The following SUCO variants were observed in gnomAD, a reference collection of about 807,000 sequenced individuals.
SUCO encodes the protein SUN domain containing ossification factor, also known as SUN domain-containing ossification factor.
In SUCO, 57 loss-of-function variants were observed where a neutral mutation model predicts 148.1. The ratio of observed to expected loss-of-function variants is 0.38; its 90% CI spans 0.31 to 0.48. SUCO has a LOEUF of 0.48. Among genes scored for constraint, SUCO ranks in the 20% least tolerant of loss-of-function variants. SUCO has a pLI of 0.96. For missense variants in SUCO, 1,331 were observed against 1,468.2 expected, an observed-to-expected ratio of 0.91 and a Z score of 1.53; for synonymous variants, 470 against 502.7, an observed-to-expected ratio of 0.93 and a Z score of 0.87.
Position 172,554,048 on chromosome 1 carries a change from G to C in SUCO, c.288+678G>C, listed in dbSNP as rs529727775. 1.9e-4 allele frequency among the ~76,000 whole-genome samples: 29 copies of C among 152,218 alleles called. 1 individual carries two copies. The highest frequency in any genetic ancestry group is 1.3e-3 in the Admixed American group (20 of 15,296). On this transcript the variant is annotated intron_variant, in intron 3 of 23. Transcript: ENST00000263688. ...ACACATTTCAACTCAGAATGAGGGA[G>C]AATTCTTTCTTTTTAAAAAAATACA...
At chr1:172,545,329 TAA>T (rs1213687426) in intron 1 of SUCO, among the ~76,000 whole-genome samples, 1 of 152,166 alleles carries the variant, frequency 6.6e-6, no homozygotes. Flanking sequence ...GGGCTGAAGA[TAA>T]AGTTTCAGTA....
At chr1:172,543,010 T>C (rs1652596157) in intron 1 of SUCO, 1 of 985,148 alleles carries the variant, frequency 1.0e-6, no homozygotes, top group Non-Finnish European at 1.2e-6. Flanking sequence ...ACACATTTGT[T>C]TGGTAGCCAG....
In SUCO at chr1:172,533,321, T is replaced by A; in HGVS notation, c.-115T>A. ...GCCGCTCAGCCAGCGCCATAGCCCT[T>A]AGGACTATCGGTCACATTCTCGCGC... On this transcript the variant is annotated 5_prime_UTR_variant, in exon 1 of 24. Transcript: ENST00000263688. 3.9e-6 allele frequency: 6 copies of A among 1,551,218 alleles called. No homozygotes were observed. The highest frequency in any genetic ancestry group is 5.2e-6 in the Non-Finnish European group (6 of 1,146,952).
intron 6 of SUCO, chr1:172,568,587 C>T (rs148102551): frequency 1.4e-3 from 367 of 263,838 alleles, no homozygotes; most frequent in African/African-American, 7.9e-3. Context: ...TTTGTGTACA[C>T]AGTGTTTCTT....
At position 172,566,556 on chromosome 1, in the gene SUCO, CTG is replaced by C. The variant is rs533788399; in HGVS notation, c.733-2461_733-2460del. Among the ~76,000 whole-genome samples, 508 of 152,378 alleles carry C rather than the reference CTG, an allele frequency of 3.3e-3. 1 individual carries two copies. Among genetic ancestry groups the C allele is most frequent in the Non-Finnish European group, 4.4e-3 (300 of 68,042 alleles). On this transcript the variant is annotated intron_variant, in intron 6 of 23. Coordinates refer to ENST00000263688, the MANE Select transcript of SUCO (RefSeq NM_014283.5). ...TAAACAGCAACTTTTATTGAATTGA[CTG>C]TATACAGCAGCAGCAGAAGTACTGC...
chr1:172,569,191 T>A, intron 7 of SUCO, 49 bp downstream of exon 7: 1 of 1,341,468 alleles, frequency 7.5e-7, no homozygotes, highest in Non-Finnish European at 1.0e-6. Flanking sequence ...GTATATGGTG[T>A]AGTTTAATAT....
chr1:172,587,024 C>T (rs891383455), intron 17 of SUCO, among the ~76,000 whole-genome samples: 2 of 152,088 alleles, frequency 1.3e-5, no homozygotes, highest in Admixed American at 1.3e-4. Context: ...CAGTTAACAA[C>T]ACGCTATGTC....
Position 172,570,174 on chromosome 1 carries a change from A to G in SUCO, c.981+3A>G. On this transcript the variant is annotated splice_donor_region_variant and intron_variant, in intron 8 of 23. Transcript: ENST00000263688. ...TAGCAGCTAATCCAGAAGCCAAGGT[A>G]GGTGTTTAAATATAAAATTTTGTAT... is the stretch of plus-strand genomic sequence containing the variant. 2 of 1,557,058 alleles carry G rather than the reference A, an allele frequency of 1.3e-6. No individual in the cohort carries two copies. Among genetic ancestry groups the G allele is most frequent in the Non-Finnish European group, 1.7e-6 (2 of 1,150,674 alleles).
chr1:172,605,734 G>A (rs1657827281), intron 22 of SUCO, among the ~76,000 whole-genome samples: 1 of 151,728 alleles, frequency 6.6e-6, no homozygotes, highest in Non-Finnish European at 1.5e-5. Flanking sequence ...GATTTTCAGT[G>A]AATACAGGTA....
In SUCO at chr1:172,571,479, A is replaced by C. The variant is rs111361392; in HGVS notation, c.1049+749A>C. Among the ~76,000 whole-genome samples the C allele has an allele frequency of 3.6e-3, 541 of 149,596 alleles. 3 individuals carry two copies. Among genetic ancestry groups the C allele is most frequent in the African/African-American group, 0.012 (473 of 40,492 alleles). ...AGATTGCAGCCTGTGCCCGGCCGCC[A>C]CCCCGTCTGGGAAGTGAGGAGAGTC... On this transcript the variant is annotated intron_variant, in intron 9 of 23. Coordinates refer to ENST00000263688, the MANE Select transcript of SUCO (RefSeq NM_014283.5).
intron 2 of SUCO, chr1:172,552,471 C>A: frequency 5.9e-6 from 1 of 168,956 alleles, no homozygotes; most frequent in Non-Finnish European, 1.2e-5. Flanking sequence ...TATTGACAAA[C>A]TTTTGCATTT....
Position 172,541,837 on chromosome 1 carries a change from C to T in SUCO, c.62+8340C>T, listed in dbSNP as rs140434773. 1,275 of 983,034 alleles carry T rather than the reference C, an allele frequency of 1.3e-3. 10 individuals are homozygous for T. In the South Asian group the frequency reaches 0.02, roughly 15 times the overall value. The allele number at this position is 983,034 out of a possible 1,614,324, so 60.9% of individuals were successfully genotyped here. On this transcript the variant is annotated intron_variant, in intron 1 of 23. Coordinates refer to ENST00000263688, the MANE Select transcript of SUCO (RefSeq NM_014283.5). ...TGTCACTGAGAGTACATTCTAGGGC[C>T]TAAAATTATGAATCTGTGAAATAAA...
chr1:172,610,444 A>C lies in SUCO; in HGVS notation c.*185A>C. The C allele has an allele frequency of 3.4e-6, 3 of 878,058 alleles. No homozygotes were observed. In the South Asian group the frequency reaches 7.9e-5, roughly 23 times the overall value. 54.4% of individuals were successfully genotyped at this position (878,058 alleles called of 1,614,324 possible). On this transcript the variant is annotated 3_prime_UTR_variant, in exon 24 of 24. Coordinates refer to ENST00000263688, the MANE Select transcript of SUCO (RefSeq NM_014283.5). ...ATCTTGGTTAATGAGCTACAGTTTT[A>C]CAAAGCTGATCACTTCCTATAAGGA...
chr1:172,585,985 C>G (rs1311616483), intron 17 of SUCO, 37 bp downstream of exon 17: 3 of 1,340,670 alleles, frequency 2.2e-6, no homozygotes, highest in Admixed American at 2.1e-5. Context: ...AATTTTGTTA[C>G]AATGGAGAGA....
Position 172,570,176 on chromosome 1 carries a change from G to C in SUCO, c.981+5G>C, listed in dbSNP as rs760329779. The C allele has an allele frequency of 2.6e-6, 4 of 1,552,858 alleles. No individual in the cohort carries two copies. The highest frequency in any genetic ancestry group is 3.5e-6 in the Non-Finnish European group (4 of 1,148,760). ...GCAGCTAATCCAGAAGCCAAGGTAG[G>C]TGTTTAAATATAAAATTTTGTATAT... On this transcript the variant is annotated splice_donor_5th_base_variant and intron_variant, in intron 8 of 23. Transcript: ENST00000263688.
rs1403488032 is a variant in SUCO, at chr1:172,610,880, G to A, written c.*621G>A. On this transcript the variant is annotated 3_prime_UTR_variant, in exon 24 of 24. Coordinates refer to ENST00000263688, the MANE Select transcript of SUCO (RefSeq NM_014283.5). ...AAGTCTGTTCTGTTAGGTAGATGGT[G>A]ATGCTCTTGTTATTTTCACTTATTC... is the stretch of plus-strand genomic sequence containing the variant. The A allele has an allele frequency of 2.0e-5, 3 of 152,536 alleles. No homozygotes were observed. Among genetic ancestry groups the A allele is most frequent in the African/African-American group, 7.2e-5 (3 of 41,434 alleles). 9.4% of individuals were successfully genotyped at this position (152,536 alleles called of 1,614,324 possible). A position where few individuals can be genotyped will look rare whatever the true frequency, so the allele number is the denominator to read the frequency against.
At position 172,601,107 on chromosome 1, in the gene SUCO, A is replaced by C. The variant is rs73034060; in HGVS notation, c.3018+939A>C. Among the ~76,000 whole-genome samples the C allele has an allele frequency of 1.5e-3, 236 of 152,338 alleles. 1 individual carries two copies. The highest frequency in any genetic ancestry group is 5.4e-3 in the African/African-American group (225 of 41,576). Reference sequence around the variant, plus strand: ...GATATGGGTCATGTCATTAATGCTTAGCACTTTGAGAAGCTCTCCATTTGT... The same window carrying C: ...GATATGGGTCATGTCATTAATGCTTCGCACTTTGAGAAGCTCTCCATTTGT... On this transcript the variant is annotated intron_variant, in intron 20 of 23. Transcript: ENST00000263688.
At chr1:172,576,809 C>A in intron 11 of SUCO, 1 of 707,640 alleles carries the variant, frequency 1.4e-6, no homozygotes, top group Non-Finnish European at 1.7e-6. Flanking sequence ...AGGCAAGAAA[C>A]ATTTACTTAC....
chr1:172,551,379 A>T lies in SUCO; in HGVS notation c.63-133A>T, dbSNP rs549184190. The T allele has an allele frequency of 1.2e-5, 6 of 500,460 alleles. No homozygotes were observed. In the South Asian group the frequency reaches 2.1e-4, roughly 17 times the overall value. 31.0% of individuals were successfully genotyped at this position (500,460 alleles called of 1,614,324 possible). A position where few individuals can be genotyped will look rare whatever the true frequency, so the allele number is the denominator to read the frequency against. ...TTTCGTCATTAAATTGTTAAAAGGT[A>T]TTAGGATAGGAACCATCTGTCTGTT... On this transcript the variant is annotated intron_variant, in intron 1 of 23. Coordinates refer to ENST00000263688, the MANE Select transcript of SUCO (RefSeq NM_014283.5).
Sources: allele counts gnomAD v4.1 joint callset (sites outside exome capture counted in the v4.1 genomes callset), GRCh38; gene constraint gnomAD v4.1.1; transcripts MANE v1.5; gene names NCBI Gene and HGNC (gene_info 2026-07-23, HGNC 2026-07-21).